The following HIVEP3 variants were observed in gnomAD, a reference collection of about 807,000 sequenced individuals.
HIVEP3 encodes the protein HIVEP zinc finger 3, also known as transcription factor HIVEP3.
HIVEP3 carries 49 observed loss-of-function variants against 152.8 expected under a neutral mutation model. The ratio of observed to expected loss-of-function variants is 0.32; its 90% confidence interval spans 0.26 to 0.41. The LOEUF is 0.41. HIVEP3 is among the 10% of genes least tolerant of loss of function. HIVEP3 has a pLI of 1.00. For synonymous variants in HIVEP3, 1,269 were observed against 1,289.0 expected, an observed-to-expected ratio of 0.98 and a Z score of 0.33; for missense variants, 2,790 against 3,103.3, an observed-to-expected ratio of 0.90 and a Z score of 2.40.
intron 1 of HIVEP3, among the ~76,000 whole-genome samples, chr1:41,853,656 A>G (rs1176025087): frequency 1.3e-5 from 2 of 152,142 alleles, no homozygotes; most frequent in African/African-American, 4.8e-5. Context: ...GAGCTTAAAA[A>G]ACAGAAGGAT....
chr1:41,755,714 G>A (rs1353714362), intron 1 of HIVEP3, among the ~76,000 whole-genome samples: 3 of 151,770 alleles, frequency 2.0e-5, no homozygotes, highest in Admixed American at 6.6e-5. Context: ...AAATAAGCAC[G>A]TAAAAAGATG....
At chr1:41,607,260 G>T (rs1241722578) in intron 3 of HIVEP3, among the ~76,000 whole-genome samples, 1 of 152,118 alleles carries the variant, frequency 6.6e-6, no homozygotes, top group Non-Finnish European at 1.5e-5. Flanking sequence ...TCCTCCATGG[G>T]TCTTAATGTT....
chr1:41,976,112 C>G (rs1295544328), intron 1 of HIVEP3, among the ~76,000 whole-genome samples: 1 of 151,972 alleles, frequency 6.6e-6, no homozygotes, highest in African/African-American at 2.4e-5. Context: ...GTGATTAGAG[C>G]TATGACCCAC....
intron 3 of HIVEP3, among the ~76,000 whole-genome samples, chr1:41,597,839 A>G (rs1482734905): frequency 6.6e-6 from 1 of 152,206 alleles, no homozygotes; most frequent in Non-Finnish European, 1.5e-5. Flanking sequence ...TTGAGACCAA[A>G]AATGAACTGA....
chr1:41,754,265 A>G (rs1462015676), intron 1 of HIVEP3, among the ~76,000 whole-genome samples: 1 of 152,136 alleles, frequency 6.6e-6, no homozygotes, highest in Non-Finnish European at 1.5e-5. Context: ...GATTTTGAGC[A>G]GAGGAGGACC....
chr1:41,636,290 A>G (rs1645272291), intron 2 of HIVEP3, among the ~76,000 whole-genome samples: 1 of 152,236 alleles, frequency 6.6e-6, no homozygotes, highest in Non-Finnish European at 1.5e-5. Context: ...AATAGAATAC[A>G]CGCACCATAG....
intron 2 of HIVEP3, among the ~76,000 whole-genome samples, chr1:41,689,217 C>T (rs1558182150): frequency 6.6e-6 from 1 of 152,210 alleles, no homozygotes; most frequent in Non-Finnish European, 1.5e-5. Flanking sequence ...TCTCTCTCTA[C>T]CCTTCCAGCT....
intron 1 of HIVEP3, among the ~76,000 whole-genome samples, chr1:41,722,393 A>T (rs1646686248): frequency 7.5e-6 from 1 of 133,762 alleles, no homozygotes; most frequent in African/African-American, 3.2e-5. Flanking sequence ...CAGCAAAATA[A>T]ATTTGGCTGG....
At chr1:41,934,187 A>T (rs1317209642) in intron 1 of HIVEP3, among the ~76,000 whole-genome samples, 1 of 152,126 alleles carries the variant, frequency 6.6e-6, no homozygotes, top group Non-Finnish European at 1.5e-5. Context: ...TGAACCTGTG[A>T]TGGGGTTCAT....
intron 5 of HIVEP3, among the ~76,000 whole-genome samples, chr1:41,566,651 C>T (rs949995971): frequency 2.0e-5 from 3 of 152,156 alleles, no homozygotes; most frequent in Non-Finnish European, 2.9e-5. Context: ...ATGGAAACAG[C>T]GCCCATCAGT....
At chr1:41,651,999 T>C (rs1225865753) in intron 2 of HIVEP3, among the ~76,000 whole-genome samples, 1 of 152,258 alleles carries the variant, frequency 6.6e-6, no homozygotes, top group African/African-American at 2.4e-5. Context: ...TAATAACTAA[T>C]ACATAGCTTT....
At chr1:41,589,385 G>A (rs141398418) in intron 3 of HIVEP3, among the ~76,000 whole-genome samples, 2 of 152,352 alleles carry the variant, frequency 1.3e-5, no homozygotes, top group Non-Finnish European at 2.9e-5. Context: ...CTAGCTGTGG[G>A]AGCAGCCCAA....
chr1:42,030,720 C>G (rs1645608257), intron 1 of HIVEP3, among the ~76,000 whole-genome samples: 1 of 152,162 alleles, frequency 6.6e-6, no homozygotes, highest in Admixed American at 6.5e-5. Context: ...TGCCAAGCCT[C>G]TCCTATTAGG....
intron 5 of HIVEP3, among the ~76,000 whole-genome samples, chr1:41,552,255 T>C (rs1449392222): frequency 6.6e-6 from 1 of 152,008 alleles, no homozygotes; most frequent in Non-Finnish European, 1.5e-5. Flanking sequence ...TTAGGGTACA[T>C]GTGCACAACG....
intron 3 of HIVEP3, among the ~76,000 whole-genome samples, chr1:41,612,629 A>G (rs915417270): frequency 3.3e-5 from 5 of 152,182 alleles, no homozygotes; most frequent in African/African-American, 1.2e-4. Context: ...TCAAGGATTC[A>G]TGGTGTTCCC....
chr1:41,706,908 G>C (rs911165169), intron 1 of HIVEP3, among the ~76,000 whole-genome samples: 1 of 152,140 alleles, frequency 6.6e-6, no homozygotes, highest in Non-Finnish European at 1.5e-5. Flanking sequence ...GTTCTATAAA[G>C]GCAATTCACT....
chr1:41,924,172 G>T lies in HIVEP3; in HGVS notation n.120-5648C>A, dbSNP rs139030025. On this transcript the variant is annotated intron_variant and non_coding_transcript_variant, in intron 1 of 3. Coordinates refer to the HIVEP3 transcript ENST00000489103. The stretch of plus-strand genomic sequence containing the variant: ...GCTAGAGGGCAACGTGACTACAGCG[G>T]CTGAGATTGGAGTGATGCAGCCACA... Among the ~76,000 whole-genome samples the T allele has an allele frequency of 9.5e-4, 144 of 152,270 alleles. 1 individual carries two copies. Among genetic ancestry groups the T allele is most frequent in the Admixed American group, 4.0e-3 (61 of 15,306 alleles).
chr1:41,581,030 G>A lies in HIVEP3; in HGVS notation c.3768C>T (p.Ser1256=). Residue 1256 remains serine, a synonymous_variant, in exon 4 of 9, where the codon AGC becomes AGT. Transcript: ENST00000372583. The surrounding 1 kb of genome is among the most constrained non-coding windows in gnomAD (Gnocchi z 4.5). ...FALQLPGDVE[S]HLPQIKTSLA... ...GGCTGGTTTTGATCTGGGGCAGATG[G>A]CTTTCCACATCACCAGGGAGCTGAA... is the stretch of plus-strand genomic sequence containing the variant. 6.4e-7 allele frequency: 1 copy of A among 1,556,088 alleles called. No individual in the cohort carries two copies. Among genetic ancestry groups the A allele is most frequent in the Non-Finnish European group, 8.7e-7 (1 of 1,151,874 alleles).
chr1:41,923,473 C>T (rs1644951470), upstream of HIVEP3, among the ~76,000 whole-genome samples: 1 of 151,936 alleles, frequency 6.6e-6, no homozygotes, highest in Non-Finnish European at 1.5e-5. Flanking sequence ...ATGGTGGTAC[C>T]AGAGGCTGGA....
Sources: gnomAD v4.1 joint callset for allele counts (sites outside exome capture counted in the v4.1 genomes callset) on GRCh38, gnomAD v4.1.1 for gene constraint, Gnocchi (gnomAD v3.1) non-coding constraint, MANE v1.5 for transcripts, NCBI Gene and HGNC (gene_info 2026-07-23, HGNC 2026-07-21) for gene names.